Variants in BORCS5 observed in about 807,000 individuals in gnomAD.
BORCS5 encodes BLOC-1 related complex subunit 5, also known as BLOC-1-related complex subunit 5.
Under a neutral mutation model 22.1 loss-of-function variants are expected in BORCS5, and 17 were observed. The observed-to-expected ratio is 0.77, with a 90% CI of 0.53 to 1.15. The LOEUF is 1.15. BORCS5 is among the 50% of genes most tolerant of loss of function. The probability of loss-of-function intolerance (pLI) is 0.00; values close to 1 mark genes in which losing one functional copy is unlikely to be tolerated. For synonymous variants in BORCS5, 117 were observed against 99.8 expected, an observed-to-expected ratio of 1.17 and a Z score of -1.03; for missense variants, 247 against 253.2, an observed-to-expected ratio of 0.98 and a Z score of 0.17.
intron 2 of BORCS5, among the ~76,000 whole-genome samples, chr12:12,369,875 T>C (rs1255393483): frequency 6.6e-6 from 1 of 151,358 alleles, no homozygotes; most frequent in African/African-American, 2.4e-5. Context: ...CAGGTGTGCG[T>C]CACCATGCCT....
At chr12:12,382,688 A>G (rs1215514601) in intron 2 of BORCS5, among the ~76,000 whole-genome samples, 1 of 150,866 alleles carries the variant, frequency 6.6e-6, no homozygotes, top group Non-Finnish European at 1.5e-5. Context: ...GCGTGCCAGC[A>G]TGCCTGTCTA....
chr12:12,369,712 C>CTT (rs71061052), intron 2 of BORCS5, among the ~76,000 whole-genome samples: 1,103 of 42,976 alleles, frequency 0.026, 139 homozygotes, highest in African/African-American at 0.056. Context: ...CCCCCCACTT[C>CTT]TTTTTTTTTT....
At chr12:12,401,934 T>G (rs547147177) in intron 2 of BORCS5, among the ~76,000 whole-genome samples, 1 of 151,126 alleles carries the variant, frequency 6.6e-6, no homozygotes, top group South Asian at 2.1e-4. Context: ...GGCTTGGTGG[T>G]GGGCGCCTGT....
chr12:12,376,044 C>T (rs906339119), intron 2 of BORCS5, among the ~76,000 whole-genome samples: 1 of 152,102 alleles, frequency 6.6e-6, no homozygotes, highest in Non-Finnish European at 1.5e-5. Flanking sequence ...ACCTCATGAT[C>T]CGCCCACCTC....
chr12:12,456,053 T>G lies in BORCS5; in HGVS notation c.361-9493T>G, dbSNP rs190782658. ...TATCTTTATGAAGTTCTTACTGTTA[T>G]GTTGCACATCTTTTCTAACTTAAAA... On this transcript the variant is annotated intron_variant, in intron 3 of 3. Transcript: ENST00000314565. 3.3e-5 allele frequency among the ~76,000 whole-genome samples: 5 copies of G among 152,356 alleles called. No homozygotes were observed. The East Asian group carries it at 9.6e-4, about 29-fold the overall frequency.
intron 2 of BORCS5, among the ~76,000 whole-genome samples, chr12:12,423,712 A>G (rs1942203478): frequency 7.3e-5 from 8 of 110,202 alleles, no homozygotes; most frequent in Admixed American, 7.1e-4. Context: ...TTTTTGAGAC[A>G]GAGTCTCAGT....
At chr12:12,419,753 G>A (rs1399314875) in intron 2 of BORCS5, among the ~76,000 whole-genome samples, 2 of 152,124 alleles carry the variant, frequency 1.3e-5, no homozygotes, top group Non-Finnish European at 2.9e-5. Context: ...GGCATGAGAT[G>A]GTATCTCATT....
chr12:12,452,100 T>G (rs573382627), intron 3 of BORCS5: 1 of 483,430 alleles, frequency 2.1e-6, no homozygotes, highest in Non-Finnish European at 4.0e-6. Context: ...CCTTTTTAAA[T>G]TTTTATTTAA....
chr12:12,406,294 G>A (rs1442499264), intron 2 of BORCS5, among the ~76,000 whole-genome samples: 2 of 152,206 alleles, frequency 1.3e-5, no homozygotes, highest in African/African-American at 4.8e-5. Flanking sequence ...CTTATTAGTA[G>A]ACTTCGTGTG....
chr12:12,427,065 C>G (rs1031922015), intron 2 of BORCS5, among the ~76,000 whole-genome samples: 1 of 152,034 alleles, frequency 6.6e-6, no homozygotes, highest in South Asian at 2.1e-4. Context: ...AGGAATCAGC[C>G]TTAGAAAGCA....
At chr12:12,452,412 A>C in intron 3 of BORCS5, 1 of 558,226 alleles carries the variant, frequency 1.8e-6, no homozygotes, top group Non-Finnish European at 3.6e-6. Context: ...GTTTCCACAA[A>C]TCCATAGGGC....
intron 2 of BORCS5, among the ~76,000 whole-genome samples, chr12:12,424,874 A>G (rs930667798): frequency 6.6e-6 from 1 of 152,094 alleles, no homozygotes; most frequent in Non-Finnish European, 1.5e-5. Context: ...CTGGTCTTTA[A>G]TGTCCGGGTC....
In BORCS5 at chr12:12,357,333, G is replaced by C; in HGVS notation, c.-119G>C. The stretch of plus-strand genomic sequence containing the variant: ...GTCAGCCCCACACATTAGCCTCGCT[G>C]CGGCGCCCAGACTCTGCTTTGCCTC... On this transcript the variant is annotated 5_prime_UTR_variant, in exon 1 of 4. Transcript: ENST00000314565. 1 of 1,479,712 alleles carries C rather than the reference G, an allele frequency of 6.8e-7. No individual in the cohort carries two copies. The highest frequency in any genetic ancestry group is 9.0e-7 in the Non-Finnish European group (1 of 1,109,350). The allele number at this position is 1,479,712 out of a possible 1,614,324, so 91.7% of individuals were successfully genotyped here.
intron 2 of BORCS5, among the ~76,000 whole-genome samples, chr12:12,427,382 G>A (rs575908281): frequency 1.9e-3 from 293 of 151,922 alleles, no homozygotes; most frequent in Middle Eastern, 0.017. Flanking sequence ...GGGTTTCACC[G>A]TGTTAGCCAG....
intron 2 of BORCS5, among the ~76,000 whole-genome samples, chr12:12,418,766 T>C (rs750791371): frequency 1.5e-4 from 23 of 152,190 alleles, no homozygotes; most frequent in Non-Finnish European, 2.9e-4. Flanking sequence ...AGATGTAAAT[T>C]GAGTCTCTAG....
At chr12:12,419,200 TCA>T (rs1840563853) in intron 2 of BORCS5, among the ~76,000 whole-genome samples, 1 of 152,146 alleles carries the variant, frequency 6.6e-6, no homozygotes, top group Non-Finnish European at 1.5e-5. Flanking sequence ...CGCCAGCTCC[TCA>T]CTCCCTGACA....
At chr12:12,434,897 T>A (rs1290240475) in intron 2 of BORCS5, among the ~76,000 whole-genome samples, 5 of 152,212 alleles carry the variant, frequency 3.3e-5, no homozygotes. Flanking sequence ...TAGGCTTAAT[T>A]TCTAGACTGG....
At chr12:12,423,677 A>G (rs1172157967) in intron 2 of BORCS5, among the ~76,000 whole-genome samples, 1 of 117,070 alleles carries the variant, frequency 8.5e-6, no homozygotes, top group African/African-American at 3.6e-5. Flanking sequence ...GCTGCTTTCA[A>G]ATTTCTCGTT....
chr12:12,427,094 C>T (rs559185625), intron 2 of BORCS5, among the ~76,000 whole-genome samples: 18 of 151,734 alleles, frequency 1.2e-4, no homozygotes, highest in South Asian at 4.2e-4. Flanking sequence ...CTAAGTATCC[C>T]GAAGGAATCA....
Sources: gnomAD v4.1 joint callset for allele counts (sites outside exome capture counted in the v4.1 genomes callset) on GRCh38, gnomAD v4.1.1 for gene constraint, MANE v1.5 for transcripts, NCBI Gene and HGNC (gene_info 2026-07-23, HGNC 2026-07-21) for gene names.